Variants in TMEM200A observed in about 807,000 individuals in gnomAD.
The protein encoded by TMEM200A is transmembrane protein 200A, also known as two transmembrane C.
TMEM200A carries 12 observed loss-of-function variants against 24.3 expected under a neutral mutation model. That is an observed-to-expected ratio of 0.49 (90% confidence interval 0.32 to 0.80). The LOEUF (loss-of-function observed/expected upper bound fraction) is 0.80. Among genes scored for constraint, TMEM200A ranks in the 30% least tolerant of loss-of-function variants. The pLI, the probability that TMEM200A is intolerant of heterozygous loss-of-function variation, is 0.04. For synonymous variants in TMEM200A, 224 were observed against 224.4 expected (o/e 1.00, Z 0.02); for missense variants, 545 against 614.4 (o/e 0.89, Z 1.19).
intron 1 of TMEM200A, among the ~76,000 whole-genome samples, chr6:130,370,018 A>C (rs1214138695): frequency 2.6e-5 from 4 of 152,236 alleles, no homozygotes; most frequent in African/African-American, 9.6e-5. Context: ...TTACTGGCTC[A>C]TTGGACCAGA....
intron 1 of TMEM200A, among the ~76,000 whole-genome samples, chr6:130,380,095 G>A (rs1778559234): frequency 6.6e-6 from 1 of 152,184 alleles, no homozygotes; most frequent in African/African-American, 2.4e-5. Flanking sequence ...CATCTCCAAT[G>A]TAGTATAACC....
chr6:130,395,627 A>C lies in TMEM200A; in HGVS notation c.-17+10391A>C, dbSNP rs1778935423. Among the ~76,000 whole-genome samples, 4 of 152,224 alleles carry C rather than the reference A, an allele frequency of 2.6e-5. No individual in the cohort carries two copies. The South Asian group carries it at 8.3e-4, about 32-fold the overall frequency. On this transcript the variant is annotated intron_variant, in intron 2 of 2. Transcript: ENST00000296978. ...TGATATTAGGAAGTGATTTAAACAAATAAATTGTTAAAGAACGAAATTTCT... is the reference window on the plus strand; with the variant it reads ...TGATATTAGGAAGTGATTTAAACAACTAAATTGTTAAAGAACGAAATTTCT...
chr6:130,404,765 G>GTATTGCCTAGC (rs199749144), intron 2 of TMEM200A, among the ~76,000 whole-genome samples: 1 of 151,960 alleles, frequency 6.6e-6, no homozygotes, highest in Non-Finnish European at 1.5e-5. Context: ...GTCCTGAATG[G>GTATTGCCTAGC]TTGTCTTCCA....
chr6:130,407,447 C>A (rs1480733367), intron 2 of TMEM200A, among the ~76,000 whole-genome samples: 2 of 152,190 alleles, frequency 1.3e-5, no homozygotes, highest in Non-Finnish European at 2.9e-5. Flanking sequence ...TCTGCATTTA[C>A]AGACTTTAGC....
chr6:130,427,235 A>G (rs1381967010), intron 2 of TMEM200A, among the ~76,000 whole-genome samples: 1 of 152,226 alleles, frequency 6.6e-6, no homozygotes, highest in African/African-American at 2.4e-5. Context: ...TAGGTCAATA[A>G]TACAGTTACA....
intron 1 of TMEM200A, among the ~76,000 whole-genome samples, chr6:130,373,535 T>C (rs568222018): frequency 1.4e-4 from 21 of 150,842 alleles, no homozygotes; most frequent in Admixed American, 1.3e-3. Context: ...GTCAGTATAA[T>C]ATTGGATTAT....
intron 2 of TMEM200A, among the ~76,000 whole-genome samples, chr6:130,433,845 G>C (rs1282876920): frequency 6.6e-6 from 1 of 152,160 alleles, no homozygotes; most frequent in East Asian, 1.9e-4. Flanking sequence ...TGAAAAATCA[G>C]AGGGCAGGGA....
chr6:130,436,630 CCTTTTTTTTTTTTTTTTTT>C (rs1480107025), intron 2 of TMEM200A, among the ~76,000 whole-genome samples: 3 of 66,728 alleles, frequency 4.5e-5, no homozygotes, highest in African/African-American at 7.6e-5. Flanking sequence ...TTTTCTTTAT[CCTTTTTTTTTTTTTTTTTT>C]TTTTTTTTTT....
At position 130,366,325 on chromosome 6, in the gene TMEM200A, G is replaced by C. The variant is rs1216860544; in HGVS notation, c.-280G>C. The C allele has an allele frequency of 1.0e-6, 1 of 955,560 alleles. No individual in the cohort carries two copies. The highest frequency in any genetic ancestry group is 1.2e-6 in the Non-Finnish European group (1 of 821,034). 59.2% of individuals were successfully genotyped at this position (955,560 alleles called of 1,614,324 possible). On this transcript the variant is annotated 5_prime_UTR_variant, in exon 1 of 3. Coordinates refer to ENST00000296978, the MANE Select transcript of TMEM200A (RefSeq NM_001258277.2). This position sits in a 1 kb window ranked among gnomAD's most constrained non-coding sequence, Gnocchi z 4.4. The stretch of plus-strand genomic sequence containing the variant: ...GCCCCCTCGCCTGACTCATCCGCCC[G>C]CGGTGGCCGCCCGAGCCCTGGGATG...
chr6:130,370,091 G>A (rs1778283966), intron 1 of TMEM200A, among the ~76,000 whole-genome samples: 1 of 152,154 alleles, frequency 6.6e-6, no homozygotes, highest in Non-Finnish European at 1.5e-5. Context: ...CAACTTTGTC[G>A]AGGTTCTTTC....
At chr6:130,404,006 A>G (rs1014469780) in intron 2 of TMEM200A, among the ~76,000 whole-genome samples, 2 of 152,122 alleles carry the variant, frequency 1.3e-5, no homozygotes, top group African/African-American at 4.8e-5. Context: ...ATGTGATCCT[A>G]TTCTTTCTTA....
chr6:130,414,918 C>T (rs926885096), intron 2 of TMEM200A, among the ~76,000 whole-genome samples: 4 of 152,112 alleles, frequency 2.6e-5, no homozygotes, highest in Admixed American at 1.3e-4. Context: ...TCAGCACAGA[C>T]TGTTTTTATG....
At chr6:130,369,632 T>C (rs1778269466) in intron 1 of TMEM200A, among the ~76,000 whole-genome samples, 1 of 152,198 alleles carries the variant, frequency 6.6e-6, no homozygotes, top group African/African-American at 2.4e-5. Context: ...TTGATATGAC[T>C]CTTCCAAGAG....
intron 2 of TMEM200A, among the ~76,000 whole-genome samples, chr6:130,406,178 T>G (rs1482268076): frequency 2.0e-5 from 3 of 152,222 alleles, no homozygotes; most frequent in Non-Finnish European, 4.4e-5. Flanking sequence ...CCGAGTTTTT[T>G]TCTGTCTAAT....
chr6:130,380,878 T>C (rs1778579875), intron 1 of TMEM200A, among the ~76,000 whole-genome samples: 1 of 152,152 alleles, frequency 6.6e-6, no homozygotes, highest in South Asian at 2.1e-4. Context: ...TCCTAGCACT[T>C]TGGGAGGCTG....
chr6:130,396,635 A>C (rs1028884965), intron 2 of TMEM200A, among the ~76,000 whole-genome samples: 20 of 152,128 alleles, frequency 1.3e-4, no homozygotes, highest in Non-Finnish European at 2.4e-4. Context: ...TATTGTATAT[A>C]TATGCACACA....
chr6:130,371,613 T>C (rs1290448003), intron 1 of TMEM200A, among the ~76,000 whole-genome samples: 2 of 152,144 alleles, frequency 1.3e-5, no homozygotes, highest in African/African-American at 4.8e-5. Context: ...GTGGATAACA[T>C]TCATGCTCAG....
intron 2 of TMEM200A, among the ~76,000 whole-genome samples, chr6:130,388,027 G>A (rs1287174114): frequency 6.6e-6 from 1 of 152,146 alleles, no homozygotes; most frequent in African/African-American, 2.4e-5. Flanking sequence ...GATGGGAGTT[G>A]AAGGTAGCAT....
chr6:130,430,335 C>A (rs1191004314), intron 2 of TMEM200A, among the ~76,000 whole-genome samples: 1 of 152,044 alleles, frequency 6.6e-6, no homozygotes, highest in African/African-American at 2.4e-5. Context: ...AATACCACCA[C>A]CTTGGGGGCT....
Sources: gnomAD v4.1 joint callset for allele counts (sites outside exome capture counted in the v4.1 genomes callset) on GRCh38, gnomAD v4.1.1 for gene constraint, Gnocchi (gnomAD v3.1) non-coding constraint, MANE v1.5 for transcripts, NCBI Gene and HGNC (gene_info 2026-07-23, HGNC 2026-07-21) for gene names.